ABTB2: variants seen among roughly 807,000 people sequenced by gnomAD.
ABTB2 encodes ankyrin repeat and BTB domain containing 2.
A neutral mutation model predicts 104.1 loss-of-function variants in ABTB2; 56 were observed. The ratio of observed to expected loss-of-function variants is 0.54; its 90% CI spans 0.43 to 0.67. ABTB2 has a LOEUF of 0.67. Ranked by LOEUF, ABTB2 falls within the 30% of genes least tolerant of loss-of-function variation. ABTB2 has a pLI of 0.00. For missense variants in ABTB2, 1,279 were observed against 1,407.7 expected, an observed-to-expected ratio of 0.91 and a Z score of 1.46; for synonymous variants, 606 against 608.2, an observed-to-expected ratio of 1.00 and a Z score of 0.05.
At chr11:34,214,694 T>C (rs763265478) in intron 1 of ABTB2, among the ~76,000 whole-genome samples, 1 of 152,126 alleles carries the variant, frequency 6.6e-6, no homozygotes, top group East Asian at 1.9e-4. Flanking sequence ...TGTGGGCCAC[T>C]GCACCCAGCC....
At chr11:34,201,010 G>A (rs1853330083) in intron 2 of ABTB2, among the ~76,000 whole-genome samples, 1 of 152,144 alleles carries the variant, frequency 6.6e-6, no homozygotes, top group African/African-American at 2.4e-5. Flanking sequence ...CATTTCACAT[G>A]TCTTATTTCC....
At position 34,337,229 on chromosome 11, in the gene ABTB2, G is replaced by A. The variant is rs144616729; in HGVS notation, c.883+19472C>T. ...ATTTGTTGAGGAAGGCCCCGATTCT[G>A]CGCCTGTCTGGGGAGAAGAGTTGCA... On this transcript the variant is annotated intron_variant, in intron 1 of 16. Coordinates refer to ENST00000435224, the MANE Select transcript of ABTB2 (RefSeq NM_145804.3). Among the ~76,000 whole-genome samples the A allele has an allele frequency of 5.9e-5, 9 of 152,360 alleles. No individual in the cohort carries two copies. The East Asian group carries it at 1.7e-3, about 29-fold the overall frequency.
chr11:34,184,884 G>A (rs558432556), intron 3 of ABTB2, among the ~76,000 whole-genome samples: 62 of 152,240 alleles, frequency 4.1e-4, no homozygotes, highest in Non-Finnish European at 7.8e-4. Flanking sequence ...CAGAGACCAC[G>A]AGCTCTTTCA....
chr11:34,181,467 C>G (rs942735077), intron 3 of ABTB2, among the ~76,000 whole-genome samples: 1 of 152,120 alleles, frequency 6.6e-6, no homozygotes, highest in Non-Finnish European at 1.5e-5. Context: ...CCACATGACC[C>G]GGGCCCCAAG....
intron 2 of ABTB2, among the ~76,000 whole-genome samples, chr11:34,199,647 C>T (rs1466530692): frequency 6.6e-6 from 1 of 152,048 alleles, no homozygotes; most frequent in Non-Finnish European, 1.5e-5. Context: ...CTCAGGGAGG[C>T]TCCCCCGGAG....
At chr11:34,233,474 C>T (rs1384617526) in intron 1 of ABTB2, among the ~76,000 whole-genome samples, 1 of 151,836 alleles carries the variant, frequency 6.6e-6, no homozygotes, top group East Asian at 1.9e-4. Context: ...CCTCAGCCTC[C>T]CAATTAGCTG....
chr11:34,157,691 G>C (rs1852649213), intron 14 of ABTB2, among the ~76,000 whole-genome samples: 1 of 152,160 alleles, frequency 6.6e-6, no homozygotes, highest in Admixed American at 6.5e-5. Context: ...CAGACCCTGG[G>C]CCTCCCCTCC....
intron 1 of ABTB2, among the ~76,000 whole-genome samples, chr11:34,230,977 C>T (rs535661702): frequency 9.9e-5 from 15 of 152,264 alleles, no homozygotes; most frequent in Admixed American, 9.8e-4. Flanking sequence ...TCCCAAAGTG[C>T]TGGGGTTACA....
rs1280473233 is a variant in ABTB2, at chr11:34,357,317, C to T, written c.267G>A (p.Pro89=). 4 of 1,514,268 alleles carry T rather than the reference C, an allele frequency of 2.6e-6. No individual in the cohort carries two copies. The highest frequency in any genetic ancestry group is 1.7e-4 in the Middle Eastern group (1 of 5,840). 93.8% of individuals were successfully genotyped at this position (1,514,268 alleles called of 1,614,324 possible). A position where few individuals can be genotyped will look rare whatever the true frequency, so the allele number is the denominator to read the frequency against. Residue 89 remains proline (P), a synonymous_variant, in exon 1 of 17, where the codon CCG becomes CCA. Transcript: ENST00000435224. ...PEVADLFSRC[P]RLPELEEFPW... The stretch of plus-strand genomic sequence containing the variant: ...GGAACTCCTCCAGCTCGGGGAGCCG[C>T]GGACAGCGCGAGAAGAGGTCGGCCA...
chr11:34,154,344 G>A lies in ABTB2; in HGVS notation c.2801C>T (p.Ala934Val), dbSNP rs1459529652. 1.2e-6 allele frequency: 2 copies of A among 1,613,566 alleles called. No individual in the cohort carries two copies. Among genetic ancestry groups the A allele is most frequent in the African/African-American group, 1.3e-5 (1 of 74,890 alleles). ...CAGGATCTCGCAGTGCCTCTGCAGG[G>A]CATCCAGCTGGAACAGGCTGGCAGC... ...LSAASLFQLDALQRHCEILCS... is the reference protein window; with the variant it reads ...LSAASLFQLDVLQRHCEILCS... The change falls in exon 16 of 17, where the codon GCC becomes GTC. Residue 934 changes from alanine to valine, a missense_variant. Transcript: ENST00000435224. This position sits in a 1 kb window ranked among gnomAD's most constrained non-coding sequence, Gnocchi z 4.9.
intron 1 of ABTB2, among the ~76,000 whole-genome samples, chr11:34,212,669 C>A (rs560455252): frequency 9.3e-4 from 142 of 152,314 alleles, no homozygotes; most frequent in Middle Eastern, 3.4e-3. Flanking sequence ...AACTCAGAGA[C>A]AGCACTCTTC....
At chr11:34,183,343 G>A (rs1171275245) in intron 3 of ABTB2, among the ~76,000 whole-genome samples, 1 of 152,156 alleles carries the variant, frequency 6.6e-6, no homozygotes, top group African/African-American at 2.4e-5. Context: ...CAAGCCAACT[G>A]CCTACCTTGG....
At chr11:34,326,120 T>A (rs1263328084) in intron 1 of ABTB2, among the ~76,000 whole-genome samples, 2 of 152,132 alleles carry the variant, frequency 1.3e-5, no homozygotes, top group Non-Finnish European at 2.9e-5. Context: ...TCTAATAGGC[T>A]AGCAGTCTCC....
At chr11:34,312,999 A>C (rs535274629) in intron 1 of ABTB2, among the ~76,000 whole-genome samples, 60 of 152,346 alleles carry the variant, frequency 3.9e-4, no homozygotes, top group African/African-American at 1.4e-3. Context: ...TAGAAGAAAA[A>C]AAGAAAAAAG....
chr11:34,185,005 A>T (rs561633247), intron 3 of ABTB2, among the ~76,000 whole-genome samples: 30 of 152,196 alleles, frequency 2.0e-4, no homozygotes, highest in African/African-American at 6.0e-4. Context: ...ACGTGGGAGG[A>T]CCCCGAGGTT....
At chr11:34,248,096 TA>T (rs1157412906) in intron 1 of ABTB2, among the ~76,000 whole-genome samples, 1,849 of 116,216 alleles carry the variant, frequency 0.016, 22 homozygotes, top group Non-Finnish European at 0.021. Flanking sequence ...TAATTTTTCT[TA>T]AAAAAAAAAA....
At chr11:34,318,894 AT>A (rs1854970168) in intron 1 of ABTB2, among the ~76,000 whole-genome samples, 1 of 152,222 alleles carries the variant, frequency 6.6e-6, no homozygotes, top group African/African-American at 2.4e-5. Context: ...TGATGGAGAA[AT>A]ACCAAGAAGT....
chr11:34,192,003 T>G (rs564347467), intron 3 of ABTB2, among the ~76,000 whole-genome samples: 1 of 152,172 alleles, frequency 6.6e-6, no homozygotes, highest in African/African-American at 2.4e-5. Flanking sequence ...TCTAAAAGTA[T>G]GTAGTGAGCA....
intron 14 of ABTB2, among the ~76,000 whole-genome samples, chr11:34,157,924 G>A (rs1210695384): frequency 6.6e-6 from 1 of 152,174 alleles, no homozygotes; most frequent in African/African-American, 2.4e-5. Flanking sequence ...TTTGAATTCT[G>A]TCTCCATCAC....
Sources: allele counts gnomAD v4.1 joint callset (sites outside exome capture counted in the v4.1 genomes callset), GRCh38; gene constraint gnomAD v4.1.1; non-coding constraint Gnocchi (gnomAD v3.1); transcripts MANE v1.5; gene names NCBI Gene and HGNC (gene_info 2026-07-23, HGNC 2026-07-21).